EIF4G3: variants seen among roughly 807,000 people sequenced by gnomAD.
The protein encoded by EIF4G3 is eIF-4-gamma 3.
Under a neutral mutation model 186.4 loss-of-function variants are expected in EIF4G3, and 34 were observed. The observed-to-expected ratio is 0.18, with a 90% confidence interval of 0.14 to 0.24. EIF4G3 has a LOEUF of 0.24. Among genes scored for constraint, EIF4G3 ranks in the 10% least tolerant of loss-of-function variants. The pLI is 1.00. For synonymous variants in EIF4G3, 673 were observed against 679.5 expected, an observed-to-expected ratio of 0.99 and a Z score of 0.15; for missense variants, 1,536 against 1,948.5, an observed-to-expected ratio of 0.79 and a Z score of 3.99.
chr1:21,100,463 G>A (rs1257942702), intron 2 of EIF4G3, among the ~76,000 whole-genome samples: 1 of 152,114 alleles, frequency 6.6e-6, no homozygotes, highest in African/African-American at 2.4e-5. Flanking sequence ...GGTGAGACAA[G>A]CATCTTATCT....
chr1:21,047,671 G>A (rs544538022), intron 4 of EIF4G3, among the ~76,000 whole-genome samples: 14 of 151,966 alleles, frequency 9.2e-5, no homozygotes, highest in Admixed American at 3.9e-4. Context: ...ATGTGTCCAC[G>A]CACATTGATA....
Position 20,942,183 on chromosome 1 carries a change from G to C in EIF4G3, c.971C>G (p.Pro324Arg), listed in dbSNP as rs1298408333. The C allele has an allele frequency of 1.2e-6, 2 of 1,614,050 alleles. No homozygotes were observed. The highest frequency in any genetic ancestry group is 2.2e-5 in the South Asian group (2 of 91,082). Reference sequence around the variant, plus strand: ...TCGAGCAACAGAAGAAACAGTGGTAGGTGATGGAGGCAGAGGAAGCTCTGC... The same window carrying C: ...TCGAGCAACAGAAGAAACAGTGGTACGTGATGGAGGCAGAGGAAGCTCTGC... Reference protein sequence around the residue: ...SIAELPLPPSPTTVSSVARST... With the variant: ...SIAELPLPPSRTTVSSVARST... Residue 324 changes from proline to arginine, a missense_variant, in exon 14 of 37, where the codon CCT (proline) becomes CGT (arginine). Around this residue, in one of 11 missense-constraint regions of EIF4G3, gnomAD observed 560 missense variants for 547.8 expected, o/e 1.02. Transcript: ENST00000602326.
intron 4 of EIF4G3, among the ~76,000 whole-genome samples, chr1:21,007,515 T>TAAAAAAAAAAAAAAAAAAAAAA: frequency 6.7e-5 from 1 of 14,878 alleles, no homozygotes; most frequent in African/African-American, 1.3e-4. Context: ...GGCCCCTCCT[T>TAAAAAAAAAAAAAAAAAAAAAA]AAAAAAAAAA....
intron 4 of EIF4G3, among the ~76,000 whole-genome samples, chr1:21,019,080 G>A (rs576108537): frequency 6.6e-6 from 1 of 152,160 alleles, no homozygotes; most frequent in South Asian, 2.1e-4. Context: ...GAGTACAGTG[G>A]CACAATCATA....
chr1:20,825,335 G>T, intron 32 of EIF4G3, 137 bp from the exon 33 acceptor site: 1 of 636,816 alleles, frequency 1.6e-6, no homozygotes, highest in Non-Finnish European at 2.6e-6. Flanking sequence ...TTCCAGCAGG[G>T]CATGGTGGTG....
intron 36 of EIF4G3, among the ~76,000 whole-genome samples, chr1:20,807,997 C>G (rs1294388930): frequency 6.6e-6 from 1 of 151,140 alleles, no homozygotes; most frequent in Non-Finnish European, 1.5e-5. Flanking sequence ...AATTTTCCTG[C>G]CTCAGCCTCC....
chr1:20,844,594 T>C (rs1484080823), intron 29 of EIF4G3, among the ~76,000 whole-genome samples: 1 of 151,952 alleles, frequency 6.6e-6, no homozygotes, highest in African/African-American at 2.4e-5. Context: ...GTAATCCCAG[T>C]ATTTGGGATG....
chr1:21,130,799 A>G (rs999364383), intron 2 of EIF4G3, among the ~76,000 whole-genome samples: 1 of 152,196 alleles, frequency 6.6e-6, no homozygotes. Flanking sequence ...GACAGTGAAA[A>G]AGGAGACAAC....
intron 3 of EIF4G3, among the ~76,000 whole-genome samples, chr1:21,053,431 AC>A (rs924640917): frequency 4.1e-5 from 4 of 96,994 alleles, no homozygotes; most frequent in Non-Finnish European, 8.4e-5. Context: ...GGGTTAGCCC[AC>A]CCCCCGGCCA....
At chr1:20,836,144 G>C (rs1466469737) in intron 30 of EIF4G3, among the ~76,000 whole-genome samples, 1 of 152,152 alleles carries the variant, frequency 6.6e-6, no homozygotes, top group Non-Finnish European at 1.5e-5. Flanking sequence ...ACCATGCCCA[G>C]AGAGTTTTTG....
chr1:20,931,529 T>A (rs1417830367), intron 14 of EIF4G3, among the ~76,000 whole-genome samples: 1 of 152,170 alleles, frequency 6.6e-6, no homozygotes, highest in African/African-American at 2.4e-5. Flanking sequence ...GAGCACTGGC[T>A]TCAAACAGAA....
At chr1:20,943,825 GGCACAGAAGCTGGT>G (rs2095810999) in intron 13 of EIF4G3, among the ~76,000 whole-genome samples, 1 of 152,038 alleles carries the variant, frequency 6.6e-6, no homozygotes, top group Non-Finnish European at 1.5e-5. Context: ...TTTATTTATA[GGCACAGAAGCTGGT>G]GCTTCTAAAA....
At chr1:20,894,554 G>T (rs1002559614) in intron 17 of EIF4G3, among the ~76,000 whole-genome samples, 4 of 152,150 alleles carry the variant, frequency 2.6e-5, no homozygotes, top group Admixed American at 6.6e-5. Flanking sequence ...ATTTTTTTGC[G>T]TGAAAATTCA....
rs761446410 is a variant in EIF4G3 at position 20,853,683 on chromosome 1, C to T, written c.3434-6G>A. Reference sequence around the variant, plus strand: ...AGCACTTGACCGTAAGGCATCTACACATGTCGAGGATTTAGAAAAAAATAC... The same window carrying T: ...AGCACTTGACCGTAAGGCATCTACATATGTCGAGGATTTAGAAAAAAATAC... On this transcript the variant is annotated splice_region_variant and splice_polypyrimidine_tract_variant and intron_variant, in intron 26 of 36. Coordinates refer to ENST00000602326, the MANE Select transcript of EIF4G3 (RefSeq NM_001391906.1). 20 of 1,598,788 alleles carry T rather than the reference C, an allele frequency of 1.3e-5. No homozygotes were observed. Among genetic ancestry groups the T allele is most frequent in the Middle Eastern group, 3.3e-4 (2 of 6,040 alleles).
intron 19 of EIF4G3, among the ~76,000 whole-genome samples, chr1:20,879,938 G>T (rs894341435): frequency 3.3e-5 from 5 of 151,402 alleles, no homozygotes; most frequent in Admixed American, 3.3e-4. Context: ...TAAAAAAATA[G>T]AAATTTGTCT....
chr1:20,828,946 T>TATCA (rs1362007764), intron 31 of EIF4G3, among the ~76,000 whole-genome samples: 1 of 152,188 alleles, frequency 6.6e-6, no homozygotes, highest in African/African-American at 2.4e-5. Flanking sequence ...ACCACAGGGC[T>TATCA]ATCATATCCC....
At chr1:21,172,941 C>A (rs1471592093) in intron 2 of EIF4G3, among the ~76,000 whole-genome samples, 1 of 150,536 alleles carries the variant, frequency 6.6e-6, no homozygotes, top group Non-Finnish European at 1.5e-5. Context: ...GAGATCAAGA[C>A]CATCCTGGCC....
In EIF4G3 at chr1:20,943,968, T is replaced by TGTGTGTGTGTGTGTGTGTGTGTG. The variant is rs1558362029; in HGVS notation, c.824-1639_824-1638insCACACACACACACACACACACAC. Reference sequence around the variant, plus strand: ...AATATTTCAGGAAAACTTGTCTTTATTTTTTTTGTGTGTGTGTGTGTGTGT... The same window carrying TGTGTGTGTGTGTGTGTGTGTGTG: ...AATATTTCAGGAAAACTTGTCTTTATGTGTGTGTGTGTGTGTGTGTGTGTTTTTTTGTGTGTGTGTGTGTGTGT... On this transcript the variant is annotated intron_variant, in intron 13 of 36. Transcript: ENST00000602326. 4.2e-4 allele frequency among the ~76,000 whole-genome samples: 5 copies of TGTGTGTGTGTGTGTGTGTGTGTG among 11,954 alleles called. 1 individual carries two copies. The highest frequency in any genetic ancestry group is 2.0e-3 in the East Asian group (2 of 1,004). The allele number at this position is 11,954 out of a possible 152,430, so 7.8% of individuals were successfully genotyped here.
In EIF4G3 at chr1:21,076,468, A is replaced by G. The variant is rs111963533; in HGVS notation, c.-196+12670T>C. Among the ~76,000 whole-genome samples the G allele has an allele frequency of 3.7e-3, 555 of 152,028 alleles. 5 individuals carry two copies. Among genetic ancestry groups the G allele is most frequent in the African/African-American group, 0.013 (523 of 41,514 alleles). On this transcript the variant is annotated intron_variant, in intron 3 of 36. Transcript: ENST00000602326. ...TATGCCCACTGCACTCCAGCCTGGG[A>G]GAGAGAGCAAGATCCCATCTCAAAA... is the stretch of plus-strand genomic sequence containing the variant.
Sources: gnomAD v4.1 joint callset for allele counts (sites outside exome capture counted in the v4.1 genomes callset) on GRCh38, gnomAD v4.1.1 for gene constraint, gnomAD v4.1.1 regional missense constraint, MANE v1.5 for transcripts, NCBI Gene and HGNC (gene_info 2026-07-23, HGNC 2026-07-21) for gene names.